The following ELP6 variants were observed in gnomAD, a reference collection of about 807,000 sequenced individuals.
ELP6 encodes elongator acetyltransferase complex subunit 6.
A neutral mutation model predicts 28.1 loss-of-function variants in ELP6; 23 were observed. That is an observed-to-expected ratio of 0.82 (90% CI 0.59 to 1.16). The LOEUF (loss-of-function observed/expected upper bound fraction) is 1.16. Ranked by LOEUF, ELP6 falls within the 50% of genes most tolerant of loss-of-function variation. The pLI is 0.00. For missense variants in ELP6, 313 were observed against 334.6 expected (o/e 0.94, Z 0.50); for synonymous variants, 132 against 135.8 (o/e 0.97, Z 0.19).
rs1274788609 is a variant in ELP6, at chr3:47,511,214, G to C, written c.67C>G (p.Leu23Val). 1 of 1,614,112 alleles carries C rather than the reference G, an allele frequency of 6.2e-7. No individual in the cohort carries two copies. ...CCATCTGTCTTGGCATCACAGAGTA[G>C]AGTCAGTTTCCCCTAAAAGTTACAA... Reference protein sequence around the residue: ...PDRAEQGKLTLLCDAKTDGSF... With the variant: ...PDRAEQGKLTVLCDAKTDGSF... The change falls in exon 2 of 7, where the codon CTA (leucine) becomes GTA (valine). Residue 23 changes from leucine to valine, a missense_variant. Leu to Val is a conservative substitution (Grantham distance 32). Coordinates refer to ENST00000296149, the MANE Select transcript of ELP6 (RefSeq NM_001031703.3).
At position 47,513,708 on chromosome 3, in the gene ELP6, A is replaced by T. The variant is rs1228148930; in HGVS notation, c.-118T>A. On this transcript the variant is annotated 5_prime_UTR_variant, in exon 1 of 7. In the 5' UTR this introduces an upstream ATG that the reference lacks. Transcript: ENST00000296149. Reference sequence around the variant, plus strand: ...TCGCGCAAGGAAGCGCGCATGCGCAATGCCACTTTTGCGAGCCAGCCACAG... The same window carrying T: ...TCGCGCAAGGAAGCGCGCATGCGCATTGCCACTTTTGCGAGCCAGCCACAG... The T allele has an allele frequency of 1.4e-5, 19 of 1,333,850 alleles. No individual in the cohort carries two copies. In the South Asian group the frequency reaches 1.6e-4, roughly 11 times the overall value. The allele number at this position is 1,333,850 out of a possible 1,614,324, so 82.6% of individuals were successfully genotyped here.
chr3:47,511,607 C>T, intron 1 of ELP6: 1 of 635,814 alleles, frequency 1.6e-6, no homozygotes, highest in Non-Finnish European at 2.0e-6. Context: ...ATTGCTAGGA[C>T]TGGAAGAGGC....
intron 6 of ELP6, chr3:47,497,895 C>T: frequency 1.1e-6 from 1 of 946,180 alleles, no homozygotes; most frequent in Non-Finnish European, 1.3e-6. Flanking sequence ...CGCGCCACTG[C>T]ACTCTAGCCT....
Position 47,513,655 on chromosome 3 carries a change from G to A in ELP6, c.-65C>T, listed in dbSNP as rs1195054565. 4 of 1,598,988 alleles carry A rather than the reference G, an allele frequency of 2.5e-6. No individual in the cohort carries two copies. In the African/African-American group the frequency reaches 5.4e-5, roughly 21 times the overall value. On this transcript the variant is annotated 5_prime_UTR_variant, in exon 1 of 7. Coordinates refer to ENST00000296149, the MANE Select transcript of ELP6 (RefSeq NM_001031703.3). ...AGTGCTGCAGAGACGACGGAGGCTG[G>A]AGAGCAAAACACACCCGACAGCCCG... is the stretch of plus-strand genomic sequence containing the variant.
chr3:47,506,106 C>T (rs543094992), intron 3 of ELP6, among the ~76,000 whole-genome samples: 6 of 152,106 alleles, frequency 3.9e-5, no homozygotes, highest in Non-Finnish European at 5.9e-5. Flanking sequence ...TGGTAGGTTC[C>T]GTGATGCCCC....
intron 2 of ELP6, among the ~76,000 whole-genome samples, 194 bp downstream of exon 2, chr3:47,510,954 C>T (rs1377305837): frequency 6.6e-6 from 1 of 152,166 alleles, no homozygotes; most frequent in African/African-American, 2.4e-5. Flanking sequence ...TGAGCACATG[C>T]CACTCTTTGG....
chr3:47,502,592 T>TG (rs1708699632), intron 4 of ELP6: 4 of 976,208 alleles, frequency 4.1e-6, no homozygotes, highest in African/African-American at 1.8e-5. Flanking sequence ...CCCAGCACTT[T>TG]GGGGGGCCAG....
At chr3:47,506,623 G>A (rs1708846533) in intron 3 of ELP6, among the ~76,000 whole-genome samples, 1 of 152,228 alleles carries the variant, frequency 6.6e-6, no homozygotes, top group South Asian at 2.1e-4. Context: ...CCAGCGGTCA[G>A]AGTTTAAGGT....
intron 4 of ELP6, 101 bp downstream of exon 4, chr3:47,504,229 C>T: frequency 1.4e-6 from 2 of 1,396,282 alleles, no homozygotes; most frequent in Admixed American, 2.5e-5. Context: ...AAGCCAGTTC[C>T]ATCCTCCTGC....
chr3:47,506,821 A>G (rs1255780226), intron 3 of ELP6, among the ~76,000 whole-genome samples: 1 of 152,220 alleles, frequency 6.6e-6, no homozygotes. Flanking sequence ...AAAGACAGGC[A>G]CAGGAAATTA....
intron 3 of ELP6, among the ~76,000 whole-genome samples, chr3:47,508,443 A>G (rs1708911350): frequency 6.6e-6 from 1 of 152,086 alleles, no homozygotes; most frequent in East Asian, 1.9e-4. Flanking sequence ...TGCACGCCCC[A>G]TGAGTGAGAT....
intron 6 of ELP6, chr3:47,497,894 G>A (rs1317017671): frequency 1.1e-6 from 1 of 943,508 alleles, no homozygotes; most frequent in Non-Finnish European, 1.3e-6. Flanking sequence ...TCGCGCCACT[G>A]CACTCTAGCC....
intron 6 of ELP6, chr3:47,496,997 T>C: frequency 1.0e-6 from 1 of 985,450 alleles, no homozygotes; most frequent in Non-Finnish European, 1.2e-6. Context: ...CAGGCCCTGC[T>C]GCAGCACTAC....
At chr3:47,496,477 C>T in intron 6 of ELP6, 1 of 983,040 alleles carries the variant, frequency 1.0e-6, no homozygotes, top group Non-Finnish European at 1.2e-6. Context: ...CAGAGGAAGA[C>T]CCTTAAAGTA....
chr3:47,506,447 C>T (rs1022478277), intron 3 of ELP6, among the ~76,000 whole-genome samples: 9 of 152,150 alleles, frequency 5.9e-5, no homozygotes, highest in Non-Finnish European at 2.9e-5. Flanking sequence ...TCCCTACAGC[C>T]TCGACCATAG....
intron 6 of ELP6, chr3:47,496,606 C>T: frequency 1.5e-6 from 1 of 677,256 alleles, no homozygotes; most frequent in Non-Finnish European, 1.8e-6. Context: ...GGCAATTCTC[C>T]TGCTTCAGCC....
intron 6 of ELP6, chr3:47,497,940 G>A: frequency 1.0e-6 from 1 of 984,512 alleles, no homozygotes; most frequent in Non-Finnish European, 1.2e-6. Flanking sequence ...AAAAAAAAAA[G>A]GAACAGTGTT....
intron 1 of ELP6, chr3:47,512,017 T>C: frequency 1.0e-6 from 1 of 985,482 alleles, no homozygotes; most frequent in South Asian, 4.7e-5. Flanking sequence ...TGGTGCCCAC[T>C]TGATTACTCC....
chr3:47,501,645 A>AG lies in ELP6; in HGVS notation c.525+4dup. The stretch of plus-strand genomic sequence containing the variant: ...TGGGCGCAGAGAAGGCAGTTCCATG[A>AG]GTACCTTTAGTTCCCAGCACACGGT... On this transcript the variant is annotated splice_donor_region_variant and intron_variant, in intron 5 of 6. Coordinates refer to ENST00000296149, the MANE Select transcript of ELP6 (RefSeq NM_001031703.3). 3.1e-6 allele frequency: 5 copies of AG among 1,614,050 alleles called. 1 individual carries two copies. The South Asian group carries it at 5.5e-5, about 18-fold the overall frequency.
Sources: gnomAD v4.1 joint callset for allele counts (sites outside exome capture counted in the v4.1 genomes callset) on GRCh38, gnomAD v4.1.1 for gene constraint, MANE v1.5 for transcripts, NCBI Gene and HGNC (gene_info 2026-07-23, HGNC 2026-07-21) for gene names.